Variants in OPCML observed in about 807,000 individuals in gnomAD.
OPCML encodes opioid-binding protein/cell adhesion molecule.
Under a neutral mutation model 37.8 loss-of-function variants are expected in OPCML, and 13 were observed. The ratio of observed to expected loss-of-function variants is 0.34; its 90% CI spans 0.22 to 0.55. OPCML has a LOEUF of 0.55. Among genes scored for constraint, OPCML ranks in the 20% least tolerant of loss-of-function variants. OPCML has a pLI of 0.91. For missense variants in OPCML, 341 were observed against 435.6 expected, an observed-to-expected ratio of 0.78 and a Z score of 1.93; for synonymous variants, 176 against 168.8, an observed-to-expected ratio of 1.04 and a Z score of -0.33.
chr11:133,282,854 C>A (rs1281288661), intron 1 of OPCML, among the ~76,000 whole-genome samples: 1 of 152,194 alleles, frequency 6.6e-6, no homozygotes, highest in East Asian at 1.9e-4. Flanking sequence ...TATATTGGAT[C>A]TTTAAGGTGT....
chr11:132,991,917 C>A, intron 1 of OPCML, among the ~76,000 whole-genome samples: 1 of 151,482 alleles, frequency 6.6e-6, no homozygotes, highest in South Asian at 2.1e-4. Context: ...CCAACACTGT[C>A]TGTGTAGGAT....
At chr11:132,870,862 G>A (rs974574251) in intron 2 of OPCML, among the ~76,000 whole-genome samples, 3 of 152,284 alleles carry the variant, frequency 2.0e-5, no homozygotes, top group African/African-American at 7.2e-5. Context: ...CACAAAAGTA[G>A]GGAGTAAAAT....
intron 2 of OPCML, among the ~76,000 whole-genome samples, chr11:132,851,818 G>A (rs1941822101): frequency 6.6e-6 from 1 of 152,152 alleles, no homozygotes; most frequent in Non-Finnish European, 1.5e-5. Flanking sequence ...TAAAGTCAAT[G>A]ACACACTGAG....
chr11:133,419,443 A>G, intron 1 of OPCML: 1 of 520,832 alleles, frequency 1.9e-6, no homozygotes, highest in Non-Finnish European at 2.5e-6. Context: ...ACCACTAATA[A>G]AAGTTGAGTT....
chr11:132,872,992 T>C lies in OPCML; in HGVS notation c.146+69934A>G, dbSNP rs142361207. 4.6e-3 allele frequency among the ~76,000 whole-genome samples: 693 copies of C among 152,240 alleles called. 6 individuals are homozygous for C. Among genetic ancestry groups the C allele is most frequent in the African/African-American group, 0.016 (661 of 41,556 alleles). ...GCAATTAATATACACACATCTATCC[T>C]GCAAGGAAATGCAAGCCCTGCTGGC... On this transcript the variant is annotated intron_variant, in intron 2 of 7. Coordinates refer to ENST00000524381, the MANE Select transcript of OPCML (RefSeq NM_001012393.5).
At chr11:132,785,964 C>T (rs1002960626) in intron 2 of OPCML, among the ~76,000 whole-genome samples, 13 of 152,200 alleles carry the variant, frequency 8.5e-5, no homozygotes, top group African/African-American at 3.1e-4. Context: ...ATTTCCATGT[C>T]TGATAGAGCT....
intron 2 of OPCML, among the ~76,000 whole-genome samples, chr11:132,893,979 C>G (rs1388022049): frequency 1.3e-5 from 2 of 152,320 alleles, no homozygotes; most frequent in East Asian, 3.9e-4. Context: ...CACACACACA[C>G]ACAAGCACAT....
intron 1 of OPCML, among the ~76,000 whole-genome samples, chr11:133,259,264 G>A (rs1941417999): frequency 6.6e-6 from 1 of 152,134 alleles, no homozygotes; most frequent in Non-Finnish European, 1.5e-5. Context: ...TACTCTTCAA[G>A]TGTTAATACA....
At chr11:133,292,667 A>T (rs181991777) in intron 1 of OPCML, among the ~76,000 whole-genome samples, 1 of 152,252 alleles carries the variant, frequency 6.6e-6, no homozygotes, top group African/African-American at 2.4e-5. Context: ...GCTCCAAAAC[A>T]TGTCTTAATA....
At chr11:133,203,951 A>T (rs1264196855) in intron 1 of OPCML, among the ~76,000 whole-genome samples, 1 of 149,810 alleles carries the variant, frequency 6.7e-6, no homozygotes, top group Non-Finnish European at 1.5e-5. Flanking sequence ...CCAGCTACTC[A>T]GGAGGCTGAG....
At chr11:133,108,578 TAC>T (rs1292477145) in intron 1 of OPCML, among the ~76,000 whole-genome samples, 3 of 151,820 alleles carry the variant, frequency 2.0e-5, no homozygotes. Flanking sequence ...CACTACATTA[TAC>T]ACACACACAC....
intron 1 of OPCML, among the ~76,000 whole-genome samples, chr11:133,195,105 G>C (rs1938486815): frequency 6.6e-6 from 1 of 152,184 alleles, no homozygotes; most frequent in South Asian, 2.1e-4. Context: ...GAGTGCATGA[G>C]TTTTGCATGT....
intron 2 of OPCML, among the ~76,000 whole-genome samples, chr11:132,928,826 A>T (rs1339531266): frequency 6.6e-6 from 1 of 152,074 alleles, no homozygotes. Flanking sequence ...GAAAACTGGA[A>T]AATCTACAAA....
At chr11:133,056,568 A>G (rs1224197311) in intron 1 of OPCML, among the ~76,000 whole-genome samples, 3 of 152,340 alleles carry the variant, frequency 2.0e-5, no homozygotes, top group Non-Finnish European at 4.4e-5. Context: ...AAGAAAGTCT[A>G]TTTTTACAGA....
At chr11:133,138,487 A>G (rs1263424584) in intron 1 of OPCML, among the ~76,000 whole-genome samples, 4 of 152,350 alleles carry the variant, frequency 2.6e-5, no homozygotes, top group Middle Eastern at 3.4e-3. Flanking sequence ...CTAGACAGCC[A>G]GTATCTACCT....
chr11:132,653,876 A>G (rs1015813229), intron 3 of OPCML, among the ~76,000 whole-genome samples: 14 of 152,222 alleles, frequency 9.2e-5, no homozygotes, highest in African/African-American at 1.4e-4. Flanking sequence ...TAAACAGACA[A>G]GTGGCAGCTC....
chr11:133,034,340 T>TGTGTGTGTGTGTGA (rs746361652), intron 1 of OPCML, among the ~76,000 whole-genome samples: 3 of 150,966 alleles, frequency 2.0e-5, no homozygotes, highest in Non-Finnish European at 3.0e-5. Context: ...TGTGTGTGTG[T>TGTGTGTGTGTGTGA]GACAGACAGA....
At chr11:132,559,977 A>G (rs1174767620) in intron 3 of OPCML, among the ~76,000 whole-genome samples, 2 of 152,236 alleles carry the variant, frequency 1.3e-5, no homozygotes, top group Non-Finnish European at 2.9e-5. Flanking sequence ...GCCATAATTT[A>G]TCTATAGCCT....
chr11:133,158,925 G>A (rs187101899), intron 1 of OPCML, among the ~76,000 whole-genome samples: 177 of 152,128 alleles, frequency 1.2e-3, no homozygotes, highest in Non-Finnish European at 2.2e-3. Flanking sequence ...ATCTCCCATA[G>A]TTGATTTGAA....
Sources: gnomAD v4.1 joint callset for allele counts (sites outside exome capture counted in the v4.1 genomes callset) on GRCh38, gnomAD v4.1.1 for gene constraint, MANE v1.5 for transcripts, NCBI Gene and HGNC (gene_info 2026-07-23, HGNC 2026-07-21) for gene names.